VMP1: variants seen among roughly 807,000 people sequenced by gnomAD.
VMP1 encodes the protein vacuole membrane protein 1, also known as ectopic P-granules autophagy protein 3 homolog.
In VMP1, 11 loss-of-function variants were observed where a neutral mutation model predicts 56.0. The ratio of observed to expected loss-of-function variants is 0.20; its 90% CI spans 0.12 to 0.32. The LOEUF is 0.32. Ranked by LOEUF, VMP1 falls within the 10% of genes least tolerant of loss-of-function variation. The pLI is 1.00. For missense variants in VMP1, 296 were observed against 490.3 expected, an observed-to-expected ratio of 0.60 and a Z score of 3.74; for synonymous variants, 149 against 165.0, an observed-to-expected ratio of 0.90 and a Z score of 0.74.
At chr17:59,835,398 A>G (rs1469360506) in intron 10 of VMP1, among the ~76,000 whole-genome samples, 1 of 152,044 alleles carries the variant, frequency 6.6e-6, no homozygotes, top group Non-Finnish European at 1.5e-5. Flanking sequence ...TGGTGCTGGG[A>G]TCACAGGTGT....
chr17:59,832,361 C>T (rs760137041), intron 10 of VMP1, among the ~76,000 whole-genome samples: 10 of 151,588 alleles, frequency 6.6e-5, no homozygotes, highest in South Asian at 2.1e-4. Context: ...GACAGGATTT[C>T]GCCATGTTGC....
chr17:59,757,378 G>A (rs1421843467), intron 5 of VMP1, among the ~76,000 whole-genome samples: 2 of 151,912 alleles, frequency 1.3e-5, no homozygotes, highest in African/African-American at 4.8e-5. Flanking sequence ...GTAGTGTATT[G>A]TTATTCTTAA....
chr17:59,807,201 T>G (rs1374279482), intron 7 of VMP1, among the ~76,000 whole-genome samples: 1 of 148,226 alleles, frequency 6.7e-6, no homozygotes, highest in Non-Finnish European at 1.5e-5. Flanking sequence ...GTTTTTTTGT[T>G]TTTTTTTTTT....
intron 10 of VMP1, among the ~76,000 whole-genome samples, chr17:59,830,789 C>G (rs184709738): frequency 9.3e-4 from 142 of 152,312 alleles, no homozygotes; most frequent in Admixed American, 1.4e-3. Context: ...TAAGTATACA[C>G]TCTGTAAATA....
chr17:59,794,871 G>A (rs2037378955), intron 7 of VMP1, among the ~76,000 whole-genome samples: 1 of 151,806 alleles, frequency 6.6e-6, no homozygotes, highest in Admixed American at 6.6e-5. Context: ...CATTACAGGT[G>A]TAAATAACTG....
intron 9 of VMP1, 39 bp downstream of exon 9, chr17:59,811,825 A>T (rs764669579): frequency 4.5e-6 from 6 of 1,328,794 alleles, no homozygotes; most frequent in Non-Finnish European, 5.4e-6. Flanking sequence ...ATGATGATGA[A>T]CCCATTACAA....
chr17:59,810,716 T>C (rs545938842), intron 8 of VMP1, among the ~76,000 whole-genome samples: 1 of 152,356 alleles, frequency 6.6e-6, no homozygotes, highest in South Asian at 2.1e-4. Context: ...TGAATTCTAA[T>C]TTAGTCATGT....
chr17:59,781,597 A>G (rs1349483497), intron 7 of VMP1, among the ~76,000 whole-genome samples: 6 of 152,122 alleles, frequency 3.9e-5, no homozygotes, highest in Non-Finnish European at 7.3e-5. Context: ...GAGTGAAATC[A>G]TATTGTTTGT....
chr17:59,804,804 C>A (rs1311459954), intron 7 of VMP1, among the ~76,000 whole-genome samples: 1 of 151,936 alleles, frequency 6.6e-6, no homozygotes, highest in Non-Finnish European at 1.5e-5. Context: ...GTCCATCAAA[C>A]TGCATATTAT....
chr17:59,751,355 A>G (rs190858892), intron 5 of VMP1, among the ~76,000 whole-genome samples: 21 of 152,282 alleles, frequency 1.4e-4, no homozygotes, highest in Non-Finnish European at 2.6e-4. Context: ...TAAGAATAGT[A>G]AGTCAATGTT....
intron 10 of VMP1, among the ~76,000 whole-genome samples, chr17:59,823,642 T>C (rs2038533023): frequency 6.6e-6 from 1 of 151,428 alleles, no homozygotes; most frequent in East Asian, 1.9e-4. Flanking sequence ...TCTCAGCTAC[T>C]TGGGAGGCTA....
chr17:59,742,412 G>A (rs1259408559), intron 5 of VMP1, among the ~76,000 whole-genome samples: 1 of 151,868 alleles, frequency 6.6e-6, no homozygotes, highest in East Asian at 1.9e-4. Context: ...AGCTCCTTGG[G>A]AGGCTAAGGA....
chr17:59,715,782 T>A (rs966886967), intron 1 of VMP1, among the ~76,000 whole-genome samples: 6 of 152,224 alleles, frequency 3.9e-5, no homozygotes, highest in African/African-American at 1.4e-4. Context: ...TCTGAAATTT[T>A]AAAAAATTAT....
At chr17:59,778,248 T>C (rs978241940) in intron 7 of VMP1, among the ~76,000 whole-genome samples, 32 of 152,062 alleles carry the variant, frequency 2.1e-4, no homozygotes, top group African/African-American at 7.5e-4. Flanking sequence ...TATATAAGAA[T>C]AAGGCACTTA....
chr17:59,758,753 G>T (rs893522661), intron 5 of VMP1, among the ~76,000 whole-genome samples: 6 of 152,004 alleles, frequency 3.9e-5, no homozygotes, highest in Non-Finnish European at 5.9e-5. Context: ...GATCCCCTGA[G>T]CCTAGGAGTT....
In VMP1 at chr17:59,778,527, C is replaced by T. The variant is rs374178331; in HGVS notation, c.714+4642C>T. On this transcript the variant is annotated intron_variant, in intron 7 of 11. Transcript: ENST00000262291. The stretch of plus-strand genomic sequence containing the variant: ...CACTGCACTCCAGCCTGGGTGAGAG[C>T]GAGACTCTGTCTCAAAAAAAAAAAA... 5.6e-5 allele frequency among the ~76,000 whole-genome samples: 8 copies of T among 142,222 alleles called. 1 individual carries two copies. Among genetic ancestry groups the T allele is most frequent in the African/African-American group, 1.9e-4 (7 of 36,620 alleles). 93.3% of individuals were successfully genotyped at this position (142,222 alleles called of 152,430 possible). A position where few individuals can be genotyped will look rare whatever the true frequency, so the allele number is the denominator to read the frequency against.
Position 59,729,311 on chromosome 17 carries a change from C to T in VMP1, c.-26-2110C>T, listed in dbSNP as rs375352101. On this transcript the variant is annotated intron_variant, in intron 1 of 11. Transcript: ENST00000262291. ...CAGCCTAACCAACATGGTGAAACCC[C>T]GTCTCTACTAAAAATACAAAAATTA... is the stretch of plus-strand genomic sequence containing the variant. 1.0e-3 allele frequency among the ~76,000 whole-genome samples: 155 copies of T among 152,002 alleles called. 4 individuals carry two copies. The South Asian group carries it at 0.028, about 28-fold the overall frequency.
chr17:59,773,304 T>TG (rs141796822), intron 6 of VMP1, among the ~76,000 whole-genome samples: 8,953 of 147,260 alleles, frequency 0.061, 696 homozygotes, highest in African/African-American at 0.18. Flanking sequence ...TCAGAAGCGG[T>TG]GGGGGGGGGC....
At chr17:59,834,504 G>T (rs2038916769) in intron 10 of VMP1, among the ~76,000 whole-genome samples, 1 of 152,024 alleles carries the variant, frequency 6.6e-6, no homozygotes, top group African/African-American at 2.4e-5. Flanking sequence ...TAGCTGCCCA[G>T]GCTGGAGTGG....
Sources: allele counts gnomAD v4.1 joint callset (sites outside exome capture counted in the v4.1 genomes callset), GRCh38; gene constraint gnomAD v4.1.1; transcripts MANE v1.5; gene names NCBI Gene and HGNC (gene_info 2026-07-23, HGNC 2026-07-21).